The following VPS13D variants were observed in gnomAD, a reference collection of about 807,000 sequenced individuals.
VPS13D encodes intermembrane lipid transfer protein VPS13D.
Under a neutral mutation model 461.9 loss-of-function variants are expected in VPS13D, and 187 were observed. The ratio of observed to expected loss-of-function variants is 0.40; its 90% confidence interval spans 0.36 to 0.46. The LOEUF (loss-of-function observed/expected upper bound fraction) is 0.46. Among genes scored for constraint, VPS13D ranks in the 20% least tolerant of loss-of-function variants. VPS13D has a pLI of 0.60. For synonymous variants in VPS13D, 1,951 were observed against 1,986.3 expected (o/e 0.98, Z 0.47); for missense variants, 4,711 against 5,364.9 (o/e 0.88, Z 3.81).
At chr1:12,414,809 C>T (rs1013506316) in intron 63 of VPS13D, among the ~76,000 whole-genome samples, 4 of 152,128 alleles carry the variant, frequency 2.6e-5, no homozygotes, top group Admixed American at 2.0e-4. Flanking sequence ...ACATGACAAA[C>T]AGATACAAAA....
intron 5 of VPS13D, among the ~76,000 whole-genome samples, chr1:12,247,512 C>T (rs551936891): frequency 6.6e-6 from 1 of 151,520 alleles, no homozygotes; most frequent in Admixed American, 6.6e-5. Flanking sequence ...CAAAAAAAAC[C>T]CAAAAAAAAC....
At chr1:12,400,444 G>A (rs1570097454) in intron 61 of VPS13D, 114 bp downstream of exon 61, 1 of 1,263,512 alleles carries the variant, frequency 7.9e-7, no homozygotes, top group East Asian at 2.5e-5. Flanking sequence ...AGCTCTGCAG[G>A]GTTAAACCAC....
At chr1:12,275,619 T>C (rs1013580830) in intron 18 of VPS13D, among the ~76,000 whole-genome samples, 3 of 152,124 alleles carry the variant, frequency 2.0e-5, no homozygotes, top group Non-Finnish European at 4.4e-5. Context: ...GTCCATACTT[T>C]TTTATATTTG....
intron 46 of VPS13D, among the ~76,000 whole-genome samples, chr1:12,351,886 C>G (rs1435872510): frequency 6.6e-6 from 1 of 151,980 alleles, no homozygotes; most frequent in African/African-American, 2.4e-5. Context: ...GCCACTGTGC[C>G]CAGCCCTTTA....
At chr1:12,394,039 T>G (rs1212665624) in intron 60 of VPS13D, among the ~76,000 whole-genome samples, 2 of 152,242 alleles carry the variant, frequency 1.3e-5, no homozygotes, top group African/African-American at 4.8e-5. Flanking sequence ...CCTTTCCCTT[T>G]CCCCAGTGCA....
intron 55 of VPS13D, among the ~76,000 whole-genome samples, chr1:12,377,309 C>T (rs1644212989): frequency 6.6e-6 from 1 of 151,742 alleles, no homozygotes; most frequent in South Asian, 2.1e-4. Context: ...ATACACCTGC[C>T]TCGGCCTCCC....
At chr1:12,314,718 T>G (rs1642843899) in intron 30 of VPS13D, among the ~76,000 whole-genome samples, 1 of 152,246 alleles carries the variant, frequency 6.6e-6, no homozygotes, top group Admixed American at 6.5e-5. Flanking sequence ...GAATTACCCA[T>G]TCAAGTCTTA....
Position 12,323,757 on chromosome 1 carries a change from G to A in VPS13D, c.7967G>A (p.Arg2656His), listed in dbSNP as rs200982609. 56 of 1,613,828 alleles carry A rather than the reference G, an allele frequency of 3.5e-5. No homozygotes were observed. Among genetic ancestry groups the A allele is most frequent in the East Asian group, 2.2e-5 (1 of 44,886 alleles). ...CTGGGATTCAGCATGGATGATTGTCGCAAAGCTCTTTTGGCGTGTCAAGGT... is the reference window on the plus strand; with the variant it reads ...CTGGGATTCAGCATGGATGATTGTCACAAAGCTCTTTTGGCGTGTCAAGGT... ...QELGFSMDDC[R>H]KALLACQGQL... The change falls in exon 35 of 70, where the codon CGC (arginine) becomes CAC (histidine). Residue 2656 changes from arginine (R) to histidine (H), a missense_variant. Around this residue, in one of 3 missense-constraint regions of VPS13D, gnomAD observed 4,411 missense variants for 4,937.8 expected, o/e 0.89. Coordinates refer to ENST00000620676, the MANE Select transcript of VPS13D (RefSeq NM_015378.4).
intron 67 of VPS13D, among the ~76,000 whole-genome samples, chr1:12,474,252 A>G (rs1570245533): frequency 6.6e-6 from 1 of 152,324 alleles, no homozygotes; most frequent in South Asian, 2.1e-4. Context: ...TGGCTCATCC[A>G]GCTCTTTTGA....
chr1:12,482,395 T>C (rs550297526), intron 67 of VPS13D, among the ~76,000 whole-genome samples: 1 of 152,382 alleles, frequency 6.6e-6, no homozygotes, highest in Admixed American at 6.5e-5. Flanking sequence ...GCACTCTTCA[T>C]GCTTTGATTT....
intron 67 of VPS13D, among the ~76,000 whole-genome samples, chr1:12,485,708 G>C (rs1272179538): frequency 6.6e-6 from 1 of 152,220 alleles, no homozygotes; most frequent in Non-Finnish European, 1.5e-5. Flanking sequence ...AAATCCAGTA[G>C]TGTGGAATGT....
intron 66 of VPS13D, among the ~76,000 whole-genome samples, chr1:12,459,482 CT>C (rs869264869): frequency 0.042 from 5,555 of 131,268 alleles, 132 homozygotes; most frequent in Admixed American, 0.11. Context: ...CTTTTCTTTT[CT>C]TTTTTTTTTT....
At chr1:12,390,363 A>T (rs569265864) in intron 60 of VPS13D, among the ~76,000 whole-genome samples, 1 of 152,298 alleles carries the variant, frequency 6.6e-6, no homozygotes, top group South Asian at 2.1e-4. Flanking sequence ...TCAAAAGGCC[A>T]TTTCACCATT....
chr1:12,374,494 A>G (rs960460697), intron 55 of VPS13D, among the ~76,000 whole-genome samples: 3 of 152,336 alleles, frequency 2.0e-5, no homozygotes, highest in African/African-American at 7.2e-5. Context: ...TACTGGTGAC[A>G]TTAACTTATT....
chr1:12,345,314 C>T (rs1643652361), intron 42 of VPS13D, 60 bp from the exon 43 acceptor site: 2 of 1,543,682 alleles, frequency 1.3e-6, no homozygotes, highest in Non-Finnish European at 1.8e-6. Context: ...GTCTTTGCTT[C>T]TACTTTTCAT....
intron 30 of VPS13D, among the ~76,000 whole-genome samples, chr1:12,316,456 C>G (rs1642889289): frequency 6.6e-6 from 1 of 152,174 alleles, no homozygotes; most frequent in Admixed American, 6.5e-5. Context: ...AGGGATCCAA[C>G]ACACTGTGAC....
chr1:12,386,783 A>T (rs1046920256), intron 60 of VPS13D, among the ~76,000 whole-genome samples: 3 of 152,224 alleles, frequency 2.0e-5, no homozygotes, highest in Non-Finnish European at 2.9e-5. Flanking sequence ...GAGACACTGG[A>T]CATCAGACAA....
Position 12,474,205 on chromosome 1 carries a change from G to A in VPS13D, c.12662+13809G>A, listed in dbSNP as rs563185736. Among the ~76,000 whole-genome samples, 517 of 152,054 alleles carry A rather than the reference G, an allele frequency of 3.4e-3. 5 individuals carry two copies. The highest frequency in any genetic ancestry group is 0.012 in the African/African-American group (481 of 41,482). On this transcript the variant is annotated intron_variant, in intron 67 of 69. Coordinates refer to ENST00000620676, the MANE Select transcript of VPS13D (RefSeq NM_015378.4). ...TTAAGGAAATTAGGATGGGGCATGC[G>A]ACCCTGTAACAGCTGATAAACTGTT...
intron 55 of VPS13D, among the ~76,000 whole-genome samples, chr1:12,374,193 A>G (rs1644164658): frequency 6.6e-6 from 1 of 152,266 alleles, no homozygotes. Flanking sequence ...ATAACATTTT[A>G]TAACTTATAG....
Sources: gnomAD v4.1 joint callset for allele counts (sites outside exome capture counted in the v4.1 genomes callset) on GRCh38, gnomAD v4.1.1 for gene constraint, gnomAD v4.1.1 regional missense constraint, MANE v1.5 for transcripts, NCBI Gene and HGNC (gene_info 2026-07-23, HGNC 2026-07-21) for gene names.